The following WDR62 variants were observed in gnomAD, a reference collection of about 807,000 sequenced individuals.
The protein encoded by WDR62 is WD repeat domain 62.
In WDR62, 112 loss-of-function variants were observed where a neutral mutation model predicts 160.6. That is an observed-to-expected ratio of 0.70 (90% CI 0.60 to 0.82). The LOEUF is 0.82. Ranked by LOEUF, WDR62 falls within the 40% of genes least tolerant of loss-of-function variation. The pLI, the probability that WDR62 is intolerant of heterozygous loss-of-function variation, is 0.00. For missense variants in WDR62, 1,819 were observed against 1,983.8 expected (o/e 0.92, Z 1.58); for synonymous variants, 792 against 815.1 (o/e 0.97, Z 0.48).
intron 21 of WDR62, among the ~76,000 whole-genome samples, chr19:36,098,302 C>T (rs549580335): frequency 6.6e-6 from 1 of 151,878 alleles, no homozygotes; most frequent in South Asian, 2.1e-4. Context: ...TGCGGTGGCT[C>T]ACGCCTGTAA....
chr19:36,101,110 C>T (rs1463430551), intron 23 of WDR62, 104 bp from the exon 24 acceptor site: 13 of 1,239,776 alleles, frequency 1.0e-5, no homozygotes, highest in Non-Finnish European at 1.5e-5. Context: ...CGCAGTGCTC[C>T]TGCAGGAGCA....
intron 9 of WDR62, among the ~76,000 whole-genome samples, chr19:36,078,529 C>A (rs1971709664): frequency 1.3e-5 from 2 of 151,686 alleles, no homozygotes; most frequent in Non-Finnish European, 2.9e-5. Flanking sequence ...TTTTAAATAT[C>A]TTTTACCTTC....
At chr19:36,071,516 T>A in intron 7 of WDR62, 40 bp from the exon 8 acceptor site, 4 of 1,614,074 alleles carry the variant, frequency 2.5e-6, no homozygotes, top group Non-Finnish European at 3.4e-6. Context: ...CCAGGCCACG[T>A]GAAGCACCAA....
intron 9 of WDR62, among the ~76,000 whole-genome samples, chr19:36,077,501 C>T (rs553148776): frequency 2.0e-5 from 3 of 152,114 alleles, no homozygotes; most frequent in South Asian, 4.1e-4. Flanking sequence ...AGGATGGTCT[C>T]GATCTCCTGA....
At position 36,083,033 on chromosome 19, in the gene WDR62, G is replaced by A. The variant is rs373930471; in HGVS notation, c.1372-30G>A. On this transcript the variant is annotated intron_variant, in intron 10 of 31. Transcript: ENST00000401500. ...TTTCAGAGGTGCTTCTGAGCTGCTC[G>A]TGCTGACCTCAGCCCTGTCCTTCCT... 1.0e-4 allele frequency: 164 copies of A among 1,601,234 alleles called. 1 individual carries two copies. Among genetic ancestry groups the A allele is most frequent in the Admixed American group, 8.5e-4 (50 of 58,586 alleles).
intron 12 of WDR62, among the ~76,000 whole-genome samples, chr19:36,085,817 A>G (rs990300247): frequency 6.6e-6 from 1 of 152,068 alleles, no homozygotes; most frequent in African/African-American, 2.4e-5. Flanking sequence ...TGTCACCCAG[A>G]TGATATATGG....
chr19:36,101,623 T>C (rs1973342057), intron 24 of WDR62, 41 bp from the exon 25 acceptor site: 1 of 1,464,342 alleles, frequency 6.8e-7, no homozygotes, highest in Admixed American at 2.0e-5. Flanking sequence ...CTCACCAGAA[T>C]GGTCAGGCTG....
At chr19:36,090,622 G>T (rs145457953) in intron 16 of WDR62, 102 bp downstream of exon 16, 1 of 1,061,668 alleles carries the variant, frequency 9.4e-7, no homozygotes, top group East Asian at 2.4e-5. Flanking sequence ...TCAGTGCACC[G>T]CGCTGCCCAG....
intron 7 of WDR62, among the ~76,000 whole-genome samples, chr19:36,068,815 T>A (rs1971089143): frequency 6.6e-6 from 1 of 152,222 alleles, no homozygotes; most frequent in Admixed American, 6.5e-5. Context: ...TTTCCCCCTT[T>A]TCTATTCCAC....
intron 9 of WDR62, among the ~76,000 whole-genome samples, chr19:36,079,231 A>G (rs1481233005): frequency 1.3e-5 from 2 of 151,666 alleles, no homozygotes; most frequent in Admixed American, 1.3e-4. Flanking sequence ...ACAGGCATGC[A>G]CTACCATGCC....
chr19:36,100,681 T>A (rs1599840670), intron 22 of WDR62, 67 bp from the exon 23 acceptor site: 5 of 1,607,226 alleles, frequency 3.1e-6, no homozygotes, highest in Non-Finnish European at 4.2e-6. Context: ...GCTGGCATGG[T>A]TCCTGGCGCA....
At chr19:36,068,134 T>C in intron 7 of WDR62, 124 bp downstream of exon 7, 1 of 1,207,028 alleles carries the variant, frequency 8.3e-7, no homozygotes, top group Non-Finnish European at 1.2e-6. Flanking sequence ...TGACGCCCAC[T>C]CTCTGAGCTT....
chr19:36,093,946 A>T (rs1284714187), intron 19 of WDR62, 85 bp from the exon 20 acceptor site: 1 of 1,544,988 alleles, frequency 6.5e-7, no homozygotes. Context: ...CATGGAGCTT[A>T]GCACAGGGCC....
Position 36,068,148 on chromosome 19 carries a change from G to T in WDR62, c.882+138G>T, listed in dbSNP as rs539504809. 36 of 1,115,322 alleles carry T rather than the reference G, an allele frequency of 3.2e-5. No homozygotes were observed. In the South Asian group the frequency reaches 3.5e-4, roughly 11 times the overall value. The allele number at this position is 1,115,322 out of a possible 1,614,324, so 69.1% of individuals were successfully genotyped here. A position where few individuals can be genotyped will look rare whatever the true frequency, so the allele number is the denominator to read the frequency against. On this transcript the variant is annotated intron_variant, in intron 7 of 31. Transcript: ENST00000401500. The stretch of plus-strand genomic sequence containing the variant: ...ATGACGCCCACTCTCTGAGCTTAAG[G>T]TTCCACATCTGTAAAATGGGAGTAC...
At chr19:36,101,460 G>T in intron 24 of WDR62, 143 bp downstream of exon 24, 1 of 879,252 alleles carries the variant, frequency 1.1e-6, no homozygotes, top group South Asian at 1.5e-5. Flanking sequence ...GCTGCCTGAG[G>T]ATTCTGGGCC....
intron 7 of WDR62, 29 bp from the exon 8 acceptor site, chr19:36,071,527 A>G: frequency 6.2e-7 from 1 of 1,614,124 alleles, no homozygotes; most frequent in Non-Finnish European, 8.5e-7. Context: ...GAAGCACCAA[A>G]TCCACTGGGG....
At chr19:36,099,274 C>T in intron 21 of WDR62, 125 bp from the exon 22 acceptor site, 1 of 713,140 alleles carries the variant, frequency 1.4e-6, no homozygotes, top group South Asian at 1.5e-5. Flanking sequence ...GAGATATGTA[C>T]CTGGAAGTTG....
the WDR62 span, among the ~76,000 whole-genome samples, chr19:36,110,524 G>A: frequency 6.6e-6 from 1 of 152,174 alleles, no homozygotes; most frequent in Non-Finnish European, 1.5e-5. Flanking sequence ...ACTGTGGGAG[G>A]GAGGAAGAGT....
intron 7 of WDR62, among the ~76,000 whole-genome samples, chr19:36,068,433 T>G (rs2145594802): frequency 6.6e-6 from 1 of 152,222 alleles, no homozygotes; most frequent in Middle Eastern, 3.4e-3. Flanking sequence ...CTTAGGACAA[T>G]AGTGGAGGGA....
Sources: allele counts gnomAD v4.1 joint callset (sites outside exome capture counted in the v4.1 genomes callset), GRCh38; gene constraint gnomAD v4.1.1; transcripts MANE v1.5; gene names NCBI Gene and HGNC (gene_info 2026-07-23, HGNC 2026-07-21).